The following TMCC1 variants were observed in gnomAD, a reference collection of about 807,000 sequenced individuals.
TMCC1 encodes transmembrane and coiled-coil domains protein 1.
TMCC1 carries 15 observed loss-of-function variants against 52.4 expected under a neutral mutation model. The ratio of observed to expected loss-of-function variants is 0.29; its 90% CI spans 0.19 to 0.44. The LOEUF is 0.44. TMCC1 is among the 20% of genes least tolerant of loss of function. The pLI is 1.00. For synonymous variants in TMCC1, 279 were observed against 301.9 expected (o/e 0.92, Z 0.79); for missense variants, 503 against 806.0 (o/e 0.62, Z 4.55).
intron 4 of TMCC1, among the ~76,000 whole-genome samples, chr3:129,728,105 TA>T (rs2050248909): frequency 6.6e-6 from 1 of 152,192 alleles, no homozygotes; most frequent in African/African-American, 2.4e-5. Context: ...ATTTATTGAA[TA>T]ATTCTTATTA....
chr3:129,770,827 A>C (rs987081973), intron 4 of TMCC1, among the ~76,000 whole-genome samples: 5 of 152,176 alleles, frequency 3.3e-5, no homozygotes, highest in African/African-American at 1.2e-4. Flanking sequence ...TACATTTGCA[A>C]ATGCAATTCG....
At chr3:129,759,330 CAA>C (rs2053290692) in intron 4 of TMCC1, among the ~76,000 whole-genome samples, 1 of 150,012 alleles carries the variant, frequency 6.7e-6, no homozygotes, top group Non-Finnish European at 1.5e-5. Flanking sequence ...TGCAGTGGCA[CAA>C]TCTCGGCTCA....
intron 4 of TMCC1, among the ~76,000 whole-genome samples, chr3:129,788,004 C>T (rs550525818): frequency 3.9e-5 from 6 of 152,294 alleles, no homozygotes; most frequent in Non-Finnish European, 8.8e-5. Flanking sequence ...TTTTAAAAAG[C>T]AAGTCTCCCT....
intron 2 of TMCC1, among the ~76,000 whole-genome samples, chr3:129,871,123 C>T (rs1050643285): frequency 4.6e-5 from 7 of 152,052 alleles, no homozygotes; most frequent in African/African-American, 1.7e-4. Flanking sequence ...CTTTGGAAAG[C>T]TGAGACAGGT....
chr3:129,812,810 A>G (rs976899163), intron 4 of TMCC1, among the ~76,000 whole-genome samples: 1 of 152,210 alleles, frequency 6.6e-6, no homozygotes, highest in Admixed American at 6.5e-5. Flanking sequence ...AACAAAACCA[A>G]AAATAAACAA....
intron 4 of TMCC1, among the ~76,000 whole-genome samples, chr3:129,730,516 G>A (rs1164173109): frequency 6.6e-6 from 1 of 152,232 alleles, no homozygotes; most frequent in East Asian, 1.9e-4. Context: ...TAATCTACAT[G>A]TGTACCCTTT....
At chr3:129,840,707 C>T (rs2059386461) in intron 2 of TMCC1, among the ~76,000 whole-genome samples, 1 of 152,158 alleles carries the variant, frequency 6.6e-6, no homozygotes. Flanking sequence ...AGTTCCCCAC[C>T]CCACTCCTGC....
chr3:129,689,288 G>A (rs555536554), intron 4 of TMCC1, among the ~76,000 whole-genome samples: 2 of 152,278 alleles, frequency 1.3e-5, no homozygotes, highest in Admixed American at 6.5e-5. Context: ...AAGACACTAC[G>A]TGACAGAACT....
intron 4 of TMCC1, among the ~76,000 whole-genome samples, chr3:129,787,046 G>A (rs1418701065): frequency 2.6e-5 from 4 of 152,074 alleles, no homozygotes; most frequent in Non-Finnish European, 5.9e-5. Flanking sequence ...ATAAAATTGG[G>A]TGTTTTCTTA....
At chr3:129,818,391 TAA>T (rs1404842836) in intron 4 of TMCC1, among the ~76,000 whole-genome samples, 1 of 151,712 alleles carries the variant, frequency 6.6e-6, no homozygotes, top group Non-Finnish European at 1.5e-5. Flanking sequence ...AAATTTTCTT[TAA>T]AAGTTTCTAA....
intron 4 of TMCC1, among the ~76,000 whole-genome samples, chr3:129,763,542 CAAAAAAAA>C (rs11354197): frequency 6.7e-5 from 3 of 44,664 alleles, no homozygotes; most frequent in Admixed American, 3.5e-4. Flanking sequence ...GACCCTGTCT[CAAAAAAAA>C]AAAAAAAAAA....
At chr3:129,773,060 A>C (rs772446316) in intron 4 of TMCC1, among the ~76,000 whole-genome samples, 7 of 152,208 alleles carry the variant, frequency 4.6e-5, no homozygotes, top group Non-Finnish European at 1.0e-4. Flanking sequence ...GTACATAAAC[A>C]AGCCTATTCA....
chr3:129,818,313 GTTTTAAAGAAAT>G (rs2058208948), intron 4 of TMCC1, among the ~76,000 whole-genome samples: 1 of 151,876 alleles, frequency 6.6e-6, no homozygotes, highest in African/African-American at 2.4e-5. Flanking sequence ...GCAGACATCA[GTTTTAAAGAAAT>G]TTTTAAAGAA....
intron 4 of TMCC1, among the ~76,000 whole-genome samples, chr3:129,701,444 G>A (rs1435756144): frequency 6.6e-6 from 1 of 152,174 alleles, no homozygotes; most frequent in Non-Finnish European, 1.5e-5. Context: ...CTCTCTTTAT[G>A]TAAAAGCGAA....
chr3:129,773,152 C>T (rs2054751369), intron 4 of TMCC1, among the ~76,000 whole-genome samples: 1 of 152,192 alleles, frequency 6.6e-6, no homozygotes, highest in Admixed American at 6.6e-5. Flanking sequence ...AAACTATCGT[C>T]TAATCCCACA....
At chr3:129,868,027 C>G (rs963355633) in intron 2 of TMCC1, among the ~76,000 whole-genome samples, 2 of 152,144 alleles carry the variant, frequency 1.3e-5, no homozygotes, top group African/African-American at 2.4e-5. Context: ...CATAGATGTT[C>G]TAAAACATTT....
At chr3:129,816,668 C>A (rs930583782) in intron 4 of TMCC1, among the ~76,000 whole-genome samples, 1 of 151,872 alleles carries the variant, frequency 6.6e-6, no homozygotes, top group African/African-American at 2.4e-5. Flanking sequence ...GAAATAAGAC[C>A]TAATGTTTGA....
At chr3:129,741,091 A>T (rs11713818) in intron 4 of TMCC1, among the ~76,000 whole-genome samples, 3 of 152,200 alleles carry the variant, frequency 2.0e-5, no homozygotes, top group Admixed American at 2.0e-4. Context: ...ATACCCACCC[A>T]CCAGGATCTA....
intron 2 of TMCC1, among the ~76,000 whole-genome samples, chr3:129,873,748 C>T (rs966650065): frequency 5.9e-5 from 9 of 152,084 alleles, no homozygotes; most frequent in African/African-American, 1.2e-4. Context: ...AAGTAGCATA[C>T]GGTTAATCCC....
Sources: gnomAD v4.1 joint callset for allele counts (sites outside exome capture counted in the v4.1 genomes callset) on GRCh38, gnomAD v4.1.1 for gene constraint, MANE v1.5 for transcripts, NCBI Gene and HGNC (gene_info 2026-07-23, HGNC 2026-07-21) for gene names.